Variants in JAKMIP2 observed in about 807,000 individuals in gnomAD.
JAKMIP2 encodes the protein janus kinase and microtubule interacting protein 2, also known as janus kinase and microtubule-interacting protein 2.
JAKMIP2 carries 25 observed loss-of-function variants against 115.0 expected under a neutral mutation model. The observed-to-expected ratio is 0.22, with a 90% CI of 0.16 to 0.30. JAKMIP2 has a LOEUF of 0.30. JAKMIP2 is among the 10% of genes least tolerant of loss of function. The pLI is 1.00. For missense variants in JAKMIP2, 642 were observed against 957.6 expected (o/e 0.67, Z 4.35); for synonymous variants, 334 against 343.6 (o/e 0.97, Z 0.31).
intron 1 of JAKMIP2, among the ~76,000 whole-genome samples, chr5:147,721,284 G>A (rs941797859): frequency 1.3e-5 from 2 of 152,118 alleles, no homozygotes; most frequent in Non-Finnish European, 2.9e-5. Context: ...AGTCTGCAGA[G>A]GTTACTGCTG....
At chr5:147,699,080 G>C (rs1752222053) in intron 1 of JAKMIP2, among the ~76,000 whole-genome samples, 1 of 152,164 alleles carries the variant, frequency 6.6e-6, no homozygotes, top group Non-Finnish European at 1.5e-5. Context: ...CTTTGCTCAT[G>C]CTATGATCTA....
chr5:147,654,429 G>T (rs1215170782), intron 3 of JAKMIP2, among the ~76,000 whole-genome samples: 1 of 151,968 alleles, frequency 6.6e-6, no homozygotes, highest in Admixed American at 6.6e-5. Context: ...GGTCCCTAAT[G>T]TCCCTTGTAA....
At chr5:147,769,687 T>C (rs1338505581) in intron 1 of JAKMIP2, among the ~76,000 whole-genome samples, 1 of 141,044 alleles carries the variant, frequency 7.1e-6, no homozygotes, top group Non-Finnish European at 1.5e-5. Flanking sequence ...GACAAGATCT[T>C]TTTTTTTTTT....
chr5:147,762,730 G>A (rs1453039624), intron 1 of JAKMIP2, among the ~76,000 whole-genome samples: 1 of 152,020 alleles, frequency 6.6e-6, no homozygotes, highest in African/African-American at 2.4e-5. Context: ...GAATTTGGGG[G>A]TAAAGGGACA....
intron 1 of JAKMIP2, among the ~76,000 whole-genome samples, chr5:147,762,780 G>C (rs74458292): frequency 6.6e-6 from 1 of 151,930 alleles, no homozygotes; most frequent in Non-Finnish European, 1.5e-5. Context: ...ATTTCTGTTG[G>C]TATAGATCAT....
In JAKMIP2 at chr5:147,644,850, C is replaced by T. The variant is rs1482718447; in HGVS notation, c.1083G>A (p.Met361Ile). 1 of 1,612,686 alleles carries T rather than the reference C, an allele frequency of 6.2e-7. No individual in the cohort carries two copies. Among genetic ancestry groups the T allele is most frequent in the African/African-American group, 1.3e-5 (1 of 74,640 alleles). Residue 361 changes from methionine to isoleucine, a missense_variant and splice_region_variant, in exon 6 of 22, where the codon ATG (methionine) becomes ATA (isoleucine). Around this residue, in one of 6 missense-constraint regions of JAKMIP2, gnomAD observed 439 missense variants for 570.9 expected, o/e 0.77. Coordinates refer to ENST00000616793, the MANE Select transcript of JAKMIP2 (RefSeq NM_001270941.2). ...GTTTTGCAGAGTCTGTGATACACAC[C>T]ATTTCTGAATTTTCCTTGGTAACGG... ...LKAVTKENSEMREKITSHPPL... is the reference protein window; with the variant it reads ...LKAVTKENSEIREKITSHPPL...
chr5:147,601,854 G>A (rs999595199), intron 20 of JAKMIP2, 43 bp from the exon 21 acceptor site: 1 of 912,378 alleles, frequency 1.1e-6, no homozygotes, highest in Non-Finnish European at 1.7e-6. Flanking sequence ...CTGAATTTCT[G>A]TAGTGCCATT....
chr5:147,641,845 T>G (rs1757895168), intron 7 of JAKMIP2, 81 bp from the exon 8 acceptor site: 1 of 1,144,334 alleles, frequency 8.7e-7, no homozygotes, highest in Non-Finnish European at 1.3e-6. Context: ...GAGTGTTCTT[T>G]CCCATAAGGC....
intron 1 of JAKMIP2, among the ~76,000 whole-genome samples, chr5:147,714,059 T>C (rs1274105533): frequency 2.0e-5 from 3 of 152,092 alleles, no homozygotes; most frequent in East Asian, 1.9e-4. Context: ...CTAGCAATAA[T>C]TGAAACACCA....
At chr5:147,735,678 T>C (rs1333688424) in intron 1 of JAKMIP2, among the ~76,000 whole-genome samples, 1 of 152,204 alleles carries the variant, frequency 6.6e-6, no homozygotes, top group African/African-American at 2.4e-5. Flanking sequence ...ACAGGCATCA[T>C]CTTTCAAAAG....
intron 1 of JAKMIP2, among the ~76,000 whole-genome samples, chr5:147,773,177 T>C (rs28469761): frequency 0.12 from 18,090 of 152,148 alleles, 1,216 homozygotes; most frequent in Middle Eastern, 0.2. Context: ...CAGCATCAAC[T>C]CTGAAAAAAT....
chr5:147,697,825 G>A (rs1752165256), intron 1 of JAKMIP2, among the ~76,000 whole-genome samples: 1 of 152,222 alleles, frequency 6.6e-6, no homozygotes, highest in African/African-American at 2.4e-5. Context: ...TTTGCTGCAG[G>A]GGCGGAGTCC....
At position 147,678,049 on chromosome 5, in the gene JAKMIP2, G is replaced by A. The variant is rs199734934; in HGVS notation, c.-148-6095C>T. 1.7e-4 allele frequency among the ~76,000 whole-genome samples: 26 copies of A among 152,196 alleles called. No homozygotes were observed. In the East Asian group the frequency reaches 3.7e-3, roughly 21 times the overall value. ...AGACGGAGTCTTGCTCTGTTGCCCA[G>A]GCTGGAGTGCAGTGGTGCGAACTTG... On this transcript the variant is annotated intron_variant, in intron 1 of 21. Coordinates refer to ENST00000616793, the MANE Select transcript of JAKMIP2 (RefSeq NM_001270941.2).
intron 1 of JAKMIP2, among the ~76,000 whole-genome samples, chr5:147,766,784 T>C (rs1755172560): frequency 1.3e-5 from 2 of 152,168 alleles, no homozygotes; most frequent in South Asian, 4.1e-4. Flanking sequence ...ATGGGTAAGC[T>C]GGCTTCCAAC....
rs116032703 is a variant in JAKMIP2 at position 147,665,777 on chromosome 5, T to C, written c.130-4332A>G. 6.9e-3 allele frequency among the ~76,000 whole-genome samples: 1,053 copies of C among 152,270 alleles called. 17 individuals are homozygous for C. Among genetic ancestry groups the C allele is most frequent in the African/African-American group, 0.024 (1,011 of 41,550 alleles). On this transcript the variant is annotated intron_variant, in intron 2 of 21. Coordinates refer to ENST00000616793, the MANE Select transcript of JAKMIP2 (RefSeq NM_001270941.2). Reference sequence around the variant, plus strand: ...TAAAGTACTATGAAGTGTAAGGTAATATTATTACTGGATATAATAGGAGAT... The same window carrying C: ...TAAAGTACTATGAAGTGTAAGGTAACATTATTACTGGATATAATAGGAGAT...
chr5:147,653,807 C>T (rs1222618684), intron 3 of JAKMIP2, among the ~76,000 whole-genome samples: 1 of 152,078 alleles, frequency 6.6e-6, no homozygotes, highest in Non-Finnish European at 1.5e-5. Flanking sequence ...CTGAATGGTA[C>T]TGCCTAGGTT....
At chr5:147,660,276 A>G (rs747211526) in intron 3 of JAKMIP2, among the ~76,000 whole-genome samples, 2 of 152,190 alleles carry the variant, frequency 1.3e-5, no homozygotes, top group Non-Finnish European at 2.9e-5. Context: ...AGGAAAGACC[A>G]ACTCTGTAGG....
At chr5:147,605,124 C>A (rs1241720912) in intron 20 of JAKMIP2, among the ~76,000 whole-genome samples, 1 of 151,346 alleles carries the variant, frequency 6.6e-6, no homozygotes, top group Non-Finnish European at 1.5e-5. Flanking sequence ...CTGTTTCCAA[C>A]TTCATCCATG....
At chr5:147,613,458 T>A (rs1756428028) in intron 19 of JAKMIP2, among the ~76,000 whole-genome samples, 1 of 152,204 alleles carries the variant, frequency 6.6e-6, no homozygotes, top group Non-Finnish European at 1.5e-5. Context: ...AAAGAGTAGA[T>A]CTCAACTGTT....
Sources: allele counts gnomAD v4.1 joint callset (sites outside exome capture counted in the v4.1 genomes callset), GRCh38; gene constraint gnomAD v4.1.1; regional missense constraint gnomAD v4.1.1; transcripts MANE v1.5; gene names NCBI Gene and HGNC (gene_info 2026-07-23, HGNC 2026-07-21).